NAA25: variants seen among roughly 807,000 people sequenced by gnomAD.
The protein encoded by NAA25 is N-alpha-acetyltransferase 25, NatB auxiliary subunit, also known as N-terminal acetyltransferase B complex subunit NAA25.
A neutral mutation model predicts 132.5 loss-of-function variants in NAA25; 30 were observed. That is an observed-to-expected ratio of 0.23 (90% CI 0.17 to 0.31). NAA25 has a LOEUF of 0.31. Ranked by LOEUF, NAA25 falls within the 10% of genes least tolerant of loss-of-function variation. The probability of loss-of-function intolerance (pLI) is 1.00; values close to 1 mark genes in which losing one functional copy is unlikely to be tolerated. For missense variants in NAA25, 771 were observed against 1,150.4 expected (o/e 0.67, Z 4.77); for synonymous variants, 359 against 401.9 (o/e 0.89, Z 1.28).
intron 2 of NAA25, among the ~76,000 whole-genome samples, chr12:112,092,220 A>G (rs1471789002): frequency 3.3e-5 from 5 of 152,052 alleles, no homozygotes; most frequent in African/African-American, 1.2e-4. Flanking sequence ...TAGCCTGGGC[A>G]ACACAGCAAG....
Position 112,074,755 on chromosome 12 carries a change from G to A in NAA25, c.786C>T (p.Asp262=). 1 of 1,609,716 alleles carries A rather than the reference G, an allele frequency of 6.2e-7. No homozygotes were observed. Among genetic ancestry groups the A allele is most frequent in the Non-Finnish European group, 8.5e-7 (1 of 1,177,416 alleles). The change falls in exon 9 of 24, where the codon GAC becomes GAT. Residue 262 remains aspartate (D), a synonymous_variant. Transcript: ENST00000261745. ...CGAAATAAGTCAGATAGAACTGCCA[G>A]TCATCTGAGCTAAAATCAGATTGAA... ...SRRLLLKNSD[D]WQFYLTYFDS... is the part of the protein sequence containing the mutation.
At chr12:112,050,047 TAAA>T (rs75376629) in intron 15 of NAA25, among the ~76,000 whole-genome samples, 3 of 128,878 alleles carry the variant, frequency 2.3e-5, no homozygotes, top group Admixed American at 7.6e-5. Context: ...CCACTTTATT[TAAA>T]AAAAAAAAAA....
Position 112,072,076 on chromosome 12 carries a change from C to T in NAA25, c.867-12G>A, listed in dbSNP as rs767727811. On this transcript the variant is annotated splice_polypyrimidine_tract_variant and intron_variant, in intron 9 of 23. Coordinates refer to ENST00000261745, the MANE Select transcript of NAA25 (RefSeq NM_024953.4). Reference sequence around the variant, plus strand: ...CTCCTTCTAAAGAGCTGAGGAAAAGCACATGAAAAAGGAATTTTATTGCCT... The same window carrying T: ...CTCCTTCTAAAGAGCTGAGGAAAAGTACATGAAAAAGGAATTTTATTGCCT... 83 of 1,540,622 alleles carry T rather than the reference C, an allele frequency of 5.4e-5. 1 individual carries two copies. Among genetic ancestry groups the T allele is most frequent in the South Asian group, 3.2e-4 (28 of 88,574 alleles).
At chr12:112,068,786 T>G (rs1233095460) in intron 11 of NAA25, 94 bp downstream of exon 11, 1 of 685,846 alleles carries the variant, frequency 1.5e-6, no homozygotes, top group Non-Finnish European at 2.5e-6. Context: ...TGATTATCAA[T>G]TCCGCACATT....
intron 15 of NAA25, among the ~76,000 whole-genome samples, chr12:112,048,879 C>A (rs2078424717): frequency 6.6e-6 from 1 of 152,006 alleles, no homozygotes; most frequent in Non-Finnish European, 1.5e-5. Flanking sequence ...CCCCCGCCCC[C>A]CCAAATAAAA....
chr12:112,088,607 A>C (rs1367484329), intron 3 of NAA25, among the ~76,000 whole-genome samples: 1 of 149,904 alleles, frequency 6.7e-6, no homozygotes, highest in African/African-American at 2.5e-5. Flanking sequence ...AATGAGTGCC[A>C]TGACAACAGA....
chr12:112,043,416 A>C (rs1400886931), intron 18 of NAA25, among the ~76,000 whole-genome samples: 2 of 152,174 alleles, frequency 1.3e-5, no homozygotes, highest in Non-Finnish European at 2.9e-5. Context: ...AACACCACAA[A>C]AAGTTATTTT....
intron 5 of NAA25, among the ~76,000 whole-genome samples, chr12:112,080,541 G>A (rs1235520460): frequency 4.0e-5 from 6 of 151,744 alleles, no homozygotes; most frequent in Non-Finnish European, 5.9e-5. Flanking sequence ...TCGCTCTATC[G>A]CCAGGCTAGA....
intron 1 of NAA25, among the ~76,000 whole-genome samples, chr12:112,101,436 C>A (rs2079294150): frequency 6.6e-6 from 1 of 152,034 alleles, no homozygotes; most frequent in Admixed American, 6.6e-5. Context: ...AAAGGGCAGT[C>A]TGCTAGAAAA....
chr12:112,085,489 G>A (rs1266629055), intron 4 of NAA25, among the ~76,000 whole-genome samples: 3 of 152,068 alleles, frequency 2.0e-5, no homozygotes. Flanking sequence ...CAACCTGCTT[G>A]TCTCAATTAA....
intron 9 of NAA25, among the ~76,000 whole-genome samples, chr12:112,073,110 T>C (rs1328292402): frequency 6.6e-6 from 1 of 151,864 alleles, no homozygotes; most frequent in African/African-American, 2.4e-5. Flanking sequence ...GGCTCATGCC[T>C]GTAGTCCCAA....
intron 22 of NAA25, among the ~76,000 whole-genome samples, chr12:112,037,318 A>ATATG (rs2078237870): frequency 8.4e-6 from 1 of 119,376 alleles, no homozygotes; most frequent in Non-Finnish European, 1.8e-5. Flanking sequence ...ATATATATAT[A>ATATG]TATTCAAATT....
In NAA25 at chr12:112,041,917, C is replaced by A; in HGVS notation, c.2440+122G>T. On this transcript the variant is annotated intron_variant, in intron 20 of 23. Coordinates refer to ENST00000261745, the MANE Select transcript of NAA25 (RefSeq NM_024953.4). ...TAGGTGGCATCTAGGAGTATTGACT[C>A]CAAAGTGTTAAAACTACTTACTTAT... 4 of 587,658 alleles carry A rather than the reference C, an allele frequency of 6.8e-6. No homozygotes were observed. The South Asian group carries it at 8.6e-5, about 13-fold the overall frequency. 36.4% of individuals were successfully genotyped at this position (587,658 alleles called of 1,614,324 possible).
chr12:112,069,933 G>A (rs1253207269), intron 10 of NAA25, among the ~76,000 whole-genome samples: 1 of 151,800 alleles, frequency 6.6e-6, no homozygotes, highest in Non-Finnish European at 1.5e-5. Flanking sequence ...TTTGAGACCA[G>A]CCTGGGCAAC....
At chr12:112,087,876 G>T (rs1010854924) in intron 3 of NAA25, 75 bp from the exon 4 acceptor site, 1 of 954,698 alleles carries the variant, frequency 1.0e-6, no homozygotes, top group South Asian at 1.4e-5. Flanking sequence ...TTCCTATTTG[G>T]CAGAAATAGA....
At chr12:112,072,881 G>C (rs990493913) in intron 9 of NAA25, among the ~76,000 whole-genome samples, 1 of 151,958 alleles carries the variant, frequency 6.6e-6, no homozygotes, top group Non-Finnish European at 1.5e-5. Context: ...AGATTACAGT[G>C]GGAGGCAAGA....
intron 8 of NAA25, among the ~76,000 whole-genome samples, chr12:112,075,191 CTT>C (rs760622100): frequency 7.7e-5 from 11 of 143,532 alleles, no homozygotes; most frequent in Non-Finnish European, 6.1e-5. Flanking sequence ...GCACAAGTAT[CTT>C]TTTTTTTTTT....
intron 13 of NAA25, among the ~76,000 whole-genome samples, chr12:112,056,261 G>C (rs951443628): frequency 6.6e-6 from 1 of 152,084 alleles, no homozygotes; most frequent in Non-Finnish European, 1.5e-5. Context: ...TTGAACCCAG[G>C]AGACAGAGGT....
chr12:112,063,500 C>T (rs1420982940), intron 11 of NAA25, among the ~76,000 whole-genome samples: 1 of 152,184 alleles, frequency 6.6e-6, no homozygotes, highest in Non-Finnish European at 1.5e-5. Flanking sequence ...TAATTTCAGG[C>T]TCCCACCCTA....
Sources: gnomAD v4.1 joint callset for allele counts (sites outside exome capture counted in the v4.1 genomes callset) on GRCh38, gnomAD v4.1.1 for gene constraint, MANE v1.5 for transcripts, NCBI Gene and HGNC (gene_info 2026-07-23, HGNC 2026-07-21) for gene names.